KCNH1: variants seen among roughly 807,000 people sequenced by gnomAD.
KCNH1 encodes the protein potassium voltage-gated channel subfamily H member 1.
In KCNH1, 27 loss-of-function variants were observed where a neutral mutation model predicts 69.2. That is an observed-to-expected ratio of 0.39 (90% confidence interval 0.29 to 0.54). The LOEUF (loss-of-function observed/expected upper bound fraction) is 0.54, where lower values mean the gene tolerates loss of function less well. Ranked by LOEUF, KCNH1 falls within the 20% of genes least tolerant of loss-of-function variation. The probability of loss-of-function intolerance (pLI) is 0.68; values close to 1 mark genes in which losing one functional copy is unlikely to be tolerated. For missense variants in KCNH1, 798 were observed against 1,261.6 expected, an observed-to-expected ratio of 0.63 and a Z score of 5.57; for synonymous variants, 456 against 487.7, an observed-to-expected ratio of 0.93 and a Z score of 0.86.
At chr1:211,098,654 A>G (rs1008550689) in intron 3 of KCNH1, among the ~76,000 whole-genome samples, 6 of 152,236 alleles carry the variant, frequency 3.9e-5, no homozygotes, top group African/African-American at 1.2e-4. Flanking sequence ...ATGTATTAAA[A>G]GCTTGTAAAA....
chr1:210,805,258 T>C (rs1417873200), intron 7 of KCNH1, among the ~76,000 whole-genome samples: 1 of 152,204 alleles, frequency 6.6e-6, no homozygotes, highest in Non-Finnish European at 1.5e-5. Context: ...TAATAAATAT[T>C]TGTCAAATTT....
At chr1:210,791,327 G>A (rs1388194092) in intron 9 of KCNH1, among the ~76,000 whole-genome samples, 1 of 152,140 alleles carries the variant, frequency 6.6e-6, no homozygotes, top group Non-Finnish European at 1.5e-5. Flanking sequence ...AACCACATGC[G>A]TGGAATCACC....
At chr1:210,811,668 A>G (rs1048473023) in intron 7 of KCNH1, among the ~76,000 whole-genome samples, 4 of 152,148 alleles carry the variant, frequency 2.6e-5, no homozygotes, top group African/African-American at 9.7e-5. Flanking sequence ...AGGCTTCAGG[A>G]ATTACTGGCT....
chr1:210,975,156 AC>A (rs1207137167), intron 6 of KCNH1, among the ~76,000 whole-genome samples: 1 of 152,164 alleles, frequency 6.6e-6, no homozygotes, highest in Non-Finnish European at 1.5e-5. Flanking sequence ...TCTGCTAGCA[AC>A]CAGTTTTACC....
At chr1:210,977,185 A>G (rs972733936) in intron 6 of KCNH1, among the ~76,000 whole-genome samples, 1 of 152,164 alleles carries the variant, frequency 6.6e-6, no homozygotes, top group African/African-American at 2.4e-5. Context: ...TCAGCAAACT[A>G]TTGCAAGGAC....
chr1:211,012,148 C>A (rs973699441), intron 6 of KCNH1, among the ~76,000 whole-genome samples: 1 of 152,044 alleles, frequency 6.6e-6, no homozygotes, highest in Non-Finnish European at 1.5e-5. Flanking sequence ...GATAGAAATG[C>A]CAAGGAAAAA....
At chr1:211,031,631 A>G (rs1689787216) in intron 5 of KCNH1, among the ~76,000 whole-genome samples, 2 of 152,222 alleles carry the variant, frequency 1.3e-5, no homozygotes, top group African/African-American at 4.8e-5. Context: ...AAAATAATCC[A>G]GCAAATAAAC....
chr1:210,983,546 C>G (rs1322314328), intron 6 of KCNH1, among the ~76,000 whole-genome samples: 4 of 152,072 alleles, frequency 2.6e-5, no homozygotes, highest in African/African-American at 7.2e-5. Context: ...CCCATTTCTT[C>G]TTTTTTGTCA....
intron 6 of KCNH1, among the ~76,000 whole-genome samples, chr1:210,980,745 G>A (rs528946460): frequency 1.1e-3 from 169 of 152,224 alleles, no homozygotes; most frequent in African/African-American, 3.9e-3. Flanking sequence ...TCTCCAGAAA[G>A]GGGTGGCACT....
At chr1:210,966,268 A>T (rs566681575) in intron 6 of KCNH1, among the ~76,000 whole-genome samples, 2 of 152,376 alleles carry the variant, frequency 1.3e-5, no homozygotes, top group Non-Finnish European at 2.9e-5. Flanking sequence ...TAAGACCTAA[A>T]ACCACAAAAA....
intron 6 of KCNH1, among the ~76,000 whole-genome samples, chr1:210,959,355 G>T (rs971160443): frequency 4.6e-5 from 7 of 152,200 alleles, no homozygotes; most frequent in Non-Finnish European, 1.0e-4. Context: ...GTGTGTCCCA[G>T]TTAGGCCACA....
At chr1:211,042,856 T>G (rs985752328) in intron 5 of KCNH1, among the ~76,000 whole-genome samples, 1 of 152,208 alleles carries the variant, frequency 6.6e-6, no homozygotes, top group African/African-American at 2.4e-5. Flanking sequence ...TTAAACAACC[T>G]GCTCCTGAAT....
At chr1:210,984,882 T>C (rs1688797836) in intron 6 of KCNH1, among the ~76,000 whole-genome samples, 2 of 152,250 alleles carry the variant, frequency 1.3e-5, no homozygotes, top group African/African-American at 2.4e-5. Flanking sequence ...TTTGTACCTC[T>C]GGTAGAATTC....
intron 6 of KCNH1, among the ~76,000 whole-genome samples, chr1:210,936,596 C>A (rs1687779580): frequency 6.6e-6 from 1 of 152,226 alleles, no homozygotes. Flanking sequence ...TTAATGCTTA[C>A]AAATATGCCA....
chr1:210,954,919 G>T (rs541939804), intron 6 of KCNH1, among the ~76,000 whole-genome samples: 1 of 152,288 alleles, frequency 6.6e-6, no homozygotes, highest in East Asian at 1.9e-4. Flanking sequence ...GATCCCATTT[G>T]TGAATTTTGG....
chr1:211,084,191 C>T (rs1690911098), intron 4 of KCNH1, among the ~76,000 whole-genome samples: 1 of 151,714 alleles, frequency 6.6e-6, no homozygotes, highest in South Asian at 2.1e-4. Flanking sequence ...TTGACATCTC[C>T]CCCAGTGTCA....
At chr1:211,026,543 G>T (rs567409102) in intron 5 of KCNH1, among the ~76,000 whole-genome samples, 2 of 152,114 alleles carry the variant, frequency 1.3e-5, no homozygotes, top group Non-Finnish European at 2.9e-5. Flanking sequence ...CCTCAGCTAC[G>T]CCAGCAGGGC....
chr1:211,008,006 C>T (rs936797915), intron 6 of KCNH1, among the ~76,000 whole-genome samples: 3 of 152,048 alleles, frequency 2.0e-5, no homozygotes, highest in Non-Finnish European at 2.9e-5. Flanking sequence ...CCCTAAGAAA[C>T]TAAAAATAGA....
At chr1:210,779,183 T>A (rs1276693743) in intron 9 of KCNH1, among the ~76,000 whole-genome samples, 1 of 152,226 alleles carries the variant, frequency 6.6e-6, no homozygotes, top group Non-Finnish European at 1.5e-5. Flanking sequence ...TCATGATTAA[T>A]CTGTAGGGTC....
Sources: gnomAD v4.1 joint callset for allele counts (sites outside exome capture counted in the v4.1 genomes callset) on GRCh38, gnomAD v4.1.1 for gene constraint, MANE v1.5 for transcripts, NCBI Gene and HGNC (gene_info 2026-07-23, HGNC 2026-07-21) for gene names.